Variants in CDHR5 observed in about 807,000 individuals in gnomAD.
CDHR5 encodes the protein cadherin related family member 5, also known as cadherin-related family member 5.
A neutral mutation model predicts 69.5 loss-of-function variants in CDHR5; 82 were observed. The observed-to-expected ratio is 1.18, with a 90% confidence interval of 0.99 to 1.42. The LOEUF (loss-of-function observed/expected upper bound fraction) is 1.42, where lower values mean the gene tolerates loss of function less well. Ranked by LOEUF, CDHR5 falls within the 40% of genes most tolerant of loss-of-function variation. The probability of loss-of-function intolerance (pLI) is 0.00; values close to 1 mark genes in which losing one functional copy is unlikely to be tolerated. For synonymous variants in CDHR5, 601 were observed against 510.2 expected (o/e 1.18, Z -2.40); for missense variants, 1,293 against 1,168.9 (o/e 1.11, Z -1.55).
At chr11:618,298 TC>T (rs1049517975) in intron 13 of CDHR5, among the ~76,000 whole-genome samples, 187 bp from the exon 14 acceptor site, 90 of 150,536 alleles carry the variant, frequency 6.0e-4, no homozygotes, top group Non-Finnish European at 9.0e-4. Context: ...GCCCACCCCC[TC>T]CCCCCCGGGA....
rs1857570822 is a variant in CDHR5, at chr11:624,078, G to C, written c.312+135C>G. The C allele has an allele frequency of 1.5e-6, 1 of 650,642 alleles. No homozygotes were observed. Among genetic ancestry groups the C allele is most frequent in the African/African-American group, 1.8e-5 (1 of 56,256 alleles). 40.3% of individuals were successfully genotyped at this position (650,642 alleles called of 1,614,324 possible). A position where few individuals can be genotyped will look rare whatever the true frequency, so the allele number is the denominator to read the frequency against. On this transcript the variant is annotated intron_variant, in intron 3 of 14. Transcript: ENST00000397542. This position sits in a 1 kb window ranked among gnomAD's most constrained non-coding sequence, Gnocchi z 5.3. Reference sequence around the variant, plus strand: ...GGGCAGAGTCTGGACTGGAGGAAATGTGGGCATCACCCTCGGGGGGGTGGA... The same window carrying C: ...GGGCAGAGTCTGGACTGGAGGAAATCTGGGCATCACCCTCGGGGGGGTGGA...
At position 621,502 on chromosome 11, in the gene CDHR5, G is replaced by A. The variant is rs2133205562; in HGVS notation, c.508-47C>T. 1 of 1,592,230 alleles carries A rather than the reference G, an allele frequency of 6.3e-7. No individual in the cohort carries two copies. Among genetic ancestry groups the A allele is most frequent in the Middle Eastern group, 1.7e-4 (1 of 6,020 alleles). ...AGAGCCTAAGAGCCTTGGAGGGCGAGGGCGGCTGTGGGTGTCAGAGGCGAG... is the reference window on the plus strand; with the variant it reads ...AGAGCCTAAGAGCCTTGGAGGGCGAAGGCGGCTGTGGGTGTCAGAGGCGAG... On this transcript the variant is annotated intron_variant, in intron 5 of 14. Coordinates refer to ENST00000397542, the MANE Select transcript of CDHR5 (RefSeq NM_021924.5). This position sits in a 1 kb window ranked among gnomAD's most constrained non-coding sequence, Gnocchi z 4.4.
chr11:624,556 C>T lies in CDHR5; in HGVS notation c.261+1G>A, dbSNP rs879113006. On this transcript the variant is annotated splice_donor_variant, in intron 2 of 14. Coordinates refer to ENST00000397542, the MANE Select transcript of CDHR5 (RefSeq NM_021924.5). LOFTEE classifies it high-confidence loss of function. This position sits in a 1 kb window ranked among gnomAD's most constrained non-coding sequence, Gnocchi z 5.3. Reference sequence around the variant, plus strand: ...ATATCCCGCCCGCCTGCCGCCCACACCTCGTAATCAGGAGTCACGTTGAGA... The same window carrying T: ...ATATCCCGCCCGCCTGCCGCCCACATCTCGTAATCAGGAGTCACGTTGAGA... 2 of 1,606,010 alleles carry T rather than the reference C, an allele frequency of 1.2e-6. No individual in the cohort carries two copies. The highest frequency in any genetic ancestry group is 1.3e-5 in the African/African-American group (1 of 74,920).
At chr11:620,438 C>T in intron 7 of CDHR5, 52 bp from the exon 8 acceptor site, 1 of 1,299,332 alleles carries the variant, frequency 7.7e-7, no homozygotes. Context: ...GTGGATGGCC[C>T]CAGCCTGGCC....
Position 619,287 on chromosome 11 carries a change from C to T in CDHR5, c.1378+19G>A, listed in dbSNP as rs561896865. ...TTATTTGGAGAACCCTGGGGGCTCA[C>T]CTGTGGAGGGGGGCTTACCTGTGGA... is the stretch of plus-strand genomic sequence containing the variant. On this transcript the variant is annotated intron_variant, in intron 12 of 14. Coordinates refer to ENST00000397542, the MANE Select transcript of CDHR5 (RefSeq NM_021924.5). 6.4e-7 allele frequency: 1 copy of T among 1,572,680 alleles called. No homozygotes were observed. The highest frequency in any genetic ancestry group is 2.3e-5 in the East Asian group (1 of 43,740).
rs114976644 is a variant in CDHR5, at chr11:617,705, G to T, written c.2184C>A (p.Pro728=). The part of the protein sequence containing the change: ...FLPDHKANWA[P]VPSPTHDPKP... ...TGGGGTCGTGCGTGGGGCTGGGGACGGGCGCCCAGTTGGCCTTGTGGTCAG... is the reference window on the plus strand; with the variant it reads ...TGGGGTCGTGCGTGGGGCTGGGGACTGGCGCCCAGTTGGCCTTGTGGTCAG... The change falls in exon 15 of 15, where the codon CCC becomes CCA. Residue 728 remains proline (P), a synonymous_variant. Transcript: ENST00000397542. 3 of 1,460,606 alleles carry T rather than the reference G, an allele frequency of 2.1e-6. No individual in the cohort carries two copies. Among genetic ancestry groups the T allele is most frequent in the East Asian group, 4.9e-5 (2 of 40,656 alleles). The allele number at this position is 1,460,606 out of a possible 1,614,324, so 90.5% of individuals were successfully genotyped here. A position where few individuals can be genotyped will look rare whatever the true frequency, so the allele number is the denominator to read the frequency against.
At chr11:617,901 C>A in intron 14 of CDHR5, 53 bp downstream of exon 14, 1 of 1,577,940 alleles carries the variant, frequency 6.3e-7, no homozygotes, top group Non-Finnish European at 8.6e-7. Flanking sequence ...TCCTGTCCCC[C>A]GTCCCCCACT....
chr11:616,928 C>T lies in CDHR5; in HGVS notation c.*423G>A, dbSNP rs541938989. ...GGGTTTGCATCGGCTCCTCAGCCTC[C>T]CCAGGCAATCTCTGTGTAGGGTCGG... On this transcript the variant is annotated 3_prime_UTR_variant, in exon 15 of 15. Transcript: ENST00000397542. 58 of 204,322 alleles carry T rather than the reference C, an allele frequency of 2.8e-4. No homozygotes were observed. Among genetic ancestry groups the T allele is most frequent in the African/African-American group, 1.3e-3 (55 of 42,676 alleles). 12.7% of individuals were successfully genotyped at this position (204,322 alleles called of 1,614,324 possible).
At position 620,053 on chromosome 11, in the gene CDHR5, G is replaced by T; in HGVS notation, c.978+14C>A. On this transcript the variant is annotated intron_variant, in intron 9 of 14. Coordinates refer to ENST00000397542, the MANE Select transcript of CDHR5 (RefSeq NM_021924.5). ...CCCCCTCTGCCCTGCCCCCCATGCAGGTGCCCACCTCACCTTCACCAGCAG... is the reference window on the plus strand; with the variant it reads ...CCCCCTCTGCCCTGCCCCCCATGCATGTGCCCACCTCACCTTCACCAGCAG... The T allele has an allele frequency of 6.3e-7, 1 of 1,584,438 alleles. No individual in the cohort carries two copies.
intron 13 of CDHR5, among the ~76,000 whole-genome samples, 175 bp from the exon 14 acceptor site, chr11:618,286 C>T (rs536695506): frequency 6.6e-6 from 1 of 152,338 alleles, no homozygotes; most frequent in East Asian, 1.9e-4. Flanking sequence ...CATCGAGACC[C>T]TGCCCACCCC....
rs1857350576 is a variant in CDHR5, at chr11:621,105, C to T, written c.764G>A (p.Gly255Glu). The T allele has an allele frequency of 2.6e-6, 4 of 1,563,820 alleles. No homozygotes were observed. Among genetic ancestry groups the T allele is most frequent in the Non-Finnish European group, 3.5e-6 (4 of 1,153,654 alleles). ...GYVCIQAQYHGAVPTGHILPS... is the reference protein window; with the variant it reads ...GYVCIQAQYHEAVPTGHILPS... The stretch of plus-strand genomic sequence containing the variant: ...CAGTATGTGCCCCGTGGGGACAGCC[C>T]CGTGGTACTGAGCTTGAATGCAGAC... Residue 255 changes from glycine to glutamate, a missense_variant, in exon 7 of 15, where the codon GGG becomes GAG. Physicochemically the swap from Gly to Glu is moderately conservative, Grantham distance 98 (BLOSUM62 -2). Coordinates refer to ENST00000397542, the MANE Select transcript of CDHR5 (RefSeq NM_021924.5). The surrounding 1 kb of genome is among the most constrained non-coding windows in gnomAD (Gnocchi z 4.4).
Position 617,473 on chromosome 11 carries a change from G to T in CDHR5, c.2416C>A (p.Leu806Ile). ...TCCACGTCCAGGGTGGGCGCGTTGA[G>T]AACGACCACGTCTGCCTCCGTCCCG... ...DIGTEADVVV[L>I]NAPTLDVDGA... The change falls in exon 15 of 15, where the codon CTC becomes ATC. Residue 806 changes from leucine (L) to isoleucine (I), a missense_variant. Coordinates refer to ENST00000397542, the MANE Select transcript of CDHR5 (RefSeq NM_021924.5). 2 of 1,612,718 alleles carry T rather than the reference G, an allele frequency of 1.2e-6. No individual in the cohort carries two copies. Among genetic ancestry groups the T allele is most frequent in the Non-Finnish European group, 1.7e-6 (2 of 1,179,848 alleles).
Position 621,416 on chromosome 11 carries a change from G to C in CDHR5, c.547C>G (p.Pro183Ala). The change falls in exon 6 of 15, where the codon CCC becomes GCC. Residue 183 changes from proline (P) to alanine (A), a missense_variant. Coordinates refer to ENST00000397542, the MANE Select transcript of CDHR5 (RefSeq NM_021924.5). The surrounding 1 kb of genome is among the most constrained non-coding windows in gnomAD (Gnocchi z 4.4). ...DYFSLVSVNR[P>A]ALRLDRPLDF... is the part of the protein sequence containing the mutation. ...AGGGGCCGGTCCAGCCTCAGGGCGG[G>C]ACGGTTTACACTCACCAGGGAGAAG... 1 of 1,612,774 alleles carries C rather than the reference G, an allele frequency of 6.2e-7. No homozygotes were observed. The highest frequency in any genetic ancestry group is 8.5e-7 in the Non-Finnish European group (1 of 1,179,984).
At position 617,942 on chromosome 11, in the gene CDHR5, C is replaced by G; in HGVS notation, c.2118+12G>C. ...CCTGGTCGCCTGCCCTGTTCTCCAT[C>G]CTGGGCCTCACCGGAGCTTTGCCAC... On this transcript the variant is annotated intron_variant, in intron 14 of 14. Transcript: ENST00000397542. The G allele has an allele frequency of 1.2e-6, 2 of 1,609,164 alleles. No homozygotes were observed. Among genetic ancestry groups the G allele is most frequent in the South Asian group, 1.1e-5 (1 of 90,060 alleles).
intron 7 of CDHR5, 151 bp from the exon 8 acceptor site, chr11:620,537 C>G: frequency 1.7e-6 from 1 of 576,794 alleles, no homozygotes; most frequent in Non-Finnish European, 3.1e-6. Context: ...AGGACAGTCC[C>G]TTGTCCCAGC....
At position 618,647 on chromosome 11, in the gene CDHR5, G is replaced by T; in HGVS notation, c.1912C>A (p.Pro638Thr). 1 of 1,610,378 alleles carries T rather than the reference G, an allele frequency of 6.2e-7. No individual in the cohort carries two copies. The highest frequency in any genetic ancestry group is 8.5e-7 in the Non-Finnish European group (1 of 1,178,070). The change falls in exon 13 of 15, where the codon CCA (proline) becomes ACA (threonine). Residue 638 changes from proline (P) to threonine (T), a missense_variant. Coordinates refer to ENST00000397542, the MANE Select transcript of CDHR5 (RefSeq NM_021924.5). Reference sequence around the variant, plus strand: ...AGGGGCATCGGCTGAGAGGTTCCTGGCTCTGGGGTCTGTGCTGTGCCCCCA... The same window carrying T: ...AGGGGCATCGGCTGAGAGGTTCCTGTCTCTGGGGTCTGTGCTGTGCCCCCA... The part of the protein sequence containing the change: ...PGGGTAQTPE[P>T]GTSQPMPLSK...
chr11:621,178 C>T lies in CDHR5; in HGVS notation c.691G>A (p.Asp231Asn), dbSNP rs571663788. 1.9e-5 allele frequency: 30 copies of T among 1,605,694 alleles called. No homozygotes were observed. Among genetic ancestry groups the T allele is most frequent in the African/African-American group, 5.3e-5 (4 of 74,924 alleles). ...ATLVLNVVPA[D>N]LRPPWFLPCT... ...GGCAGGAACCACGGGGGCCGCAGGT[C>T]GGCGGGCACCACGTTCAGCACTAGT... The change falls in exon 7 of 15, where the codon GAC (aspartate) becomes AAC (asparagine). Residue 231 changes from aspartate to asparagine, a missense_variant. Physicochemically the swap from Asp to Asn is conservative, Grantham distance 23 (BLOSUM62 1). Transcript: ENST00000397542. This position sits in a 1 kb window ranked among gnomAD's most constrained non-coding sequence, Gnocchi z 4.4.
Position 621,776 on chromosome 11 carries a change from C to G in CDHR5, c.405+36G>C. On this transcript the variant is annotated intron_variant, in intron 4 of 14. Coordinates refer to ENST00000397542, the MANE Select transcript of CDHR5 (RefSeq NM_021924.5). The surrounding 1 kb of genome is among the most constrained non-coding windows in gnomAD (Gnocchi z 4.4). ...CTGCCCTCACCCTGGGCTCCCACAC[C>G]CCCGTGCCCAGTCCCCGCGGCTTCG... 1 of 1,586,242 alleles carries G rather than the reference C, an allele frequency of 6.3e-7. No individual in the cohort carries two copies. Among genetic ancestry groups the G allele is most frequent in the Non-Finnish European group, 8.7e-7 (1 of 1,155,930 alleles).
chr11:619,184 G>A lies in CDHR5; in HGVS notation c.1379-4C>T. On this transcript the variant is annotated splice_polypyrimidine_tract_variant and splice_region_variant and intron_variant, in intron 12 of 14. Transcript: ENST00000397542. ...GCCTCTGGGGATGGGGGGACATCTGGGGGCCGGGAACAGTGCTTGGGCTTG... is the reference window on the plus strand; with the variant it reads ...GCCTCTGGGGATGGGGGGACATCTGAGGGCCGGGAACAGTGCTTGGGCTTG... 6.6e-7 allele frequency: 1 copy of A among 1,524,808 alleles called. No individual in the cohort carries two copies. The highest frequency in any genetic ancestry group is 8.8e-7 in the Non-Finnish European group (1 of 1,132,324). 94.5% of individuals were successfully genotyped at this position (1,524,808 alleles called of 1,614,324 possible).
Sources: gnomAD v4.1 joint callset for allele counts (sites outside exome capture counted in the v4.1 genomes callset) on GRCh38, gnomAD v4.1.1 for gene constraint, Gnocchi (gnomAD v3.1) non-coding constraint, MANE v1.5 for transcripts, NCBI Gene and HGNC (gene_info 2026-07-23, HGNC 2026-07-21) for gene names.